CRKL: variants seen among roughly 807,000 people sequenced by gnomAD.
CRKL encodes the protein CRK like proto-oncogene, adaptor protein.
Under a neutral mutation model 23.0 loss-of-function variants are expected in CRKL, and 3 were observed. The observed-to-expected ratio is 0.13, with a 90% CI of 0.06 to 0.34. The LOEUF (loss-of-function observed/expected upper bound fraction) is 0.34, where lower values mean the gene tolerates loss of function less well. Ranked by LOEUF, CRKL falls within the 10% of genes least tolerant of loss-of-function variation. The pLI is 1.00. For missense variants in CRKL, 256 were observed against 394.5 expected, an observed-to-expected ratio of 0.65 and a Z score of 2.97; for synonymous variants, 188 against 160.7, an observed-to-expected ratio of 1.17 and a Z score of -1.28.
Position 20,917,682 on chromosome 22 carries a change from G to T in CRKL, c.-253G>T, listed in dbSNP as rs1929740890. 2 of 522,110 alleles carry T rather than the reference G, an allele frequency of 3.8e-6. No individual in the cohort carries two copies. The allele number at this position is 522,110 out of a possible 1,614,324, so 32.3% of individuals were successfully genotyped here. On this transcript the variant is annotated 5_prime_UTR_variant, in exon 1 of 3. Transcript: ENST00000354336. The stretch of plus-strand genomic sequence containing the variant: ...CCTCCGCTGCGGCTCGGGTTTGCCT[G>T]CCCCGACCCCCCGGCTCTGCCGTGC...
intron 2 of CRKL, among the ~76,000 whole-genome samples, chr22:20,941,588 A>ATTTATT (rs1921884464): frequency 3.0e-5 from 1 of 33,554 alleles, no homozygotes; most frequent in Admixed American, 5.5e-4. Flanking sequence ...GTATATATAT[A>ATTTATT]TTTTTTTTTT....
chr22:20,934,971 G>A (rs1921596149), intron 2 of CRKL, among the ~76,000 whole-genome samples: 1 of 151,826 alleles, frequency 6.6e-6, no homozygotes, highest in Admixed American at 6.6e-5. Flanking sequence ...CCGCCACCAC[G>A]CCTGGCTAAT....
intron 2 of CRKL, among the ~76,000 whole-genome samples, chr22:20,940,282 A>T (rs545908973): frequency 6.6e-6 from 1 of 152,300 alleles, no homozygotes; most frequent in South Asian, 2.1e-4. Context: ...TGGTGGGCTC[A>T]TGCTGCTTCC....
At chr22:20,924,059 C>T (rs749609943) in intron 1 of CRKL, among the ~76,000 whole-genome samples, 2 of 151,998 alleles carry the variant, frequency 1.3e-5, no homozygotes, top group South Asian at 2.1e-4. Context: ...TGGTGTCATG[C>T]GCCTTTAAGT....
In CRKL at chr22:20,934,149, A is replaced by G. The variant is rs1477769854; in HGVS notation, c.682A>G (p.Thr228Ala). Reference sequence around the variant, plus strand: ...TTCCGGTTCTCCTGGGGCAGCAATCACCCCTTTGCCATCCACACAGAATGG... The same window carrying G: ...TTCCGGTTCTCCTGGGGCAGCAATCGCCCCTTTGCCATCCACACAGAATGG... Reference protein sequence around the residue: ...AVSGSPGAAITPLPSTQNGPV... With the variant: ...AVSGSPGAAIAPLPSTQNGPV... The change falls in exon 2 of 3, where the codon ACC becomes GCC. Residue 228 changes from threonine to alanine, a missense_variant. Around this residue, in one of 3 missense-constraint regions of CRKL, gnomAD observed 129 missense variants for 222.1 expected, o/e 0.58. Coordinates refer to ENST00000354336, the MANE Select transcript of CRKL (RefSeq NM_005207.4). The G allele has an allele frequency of 6.2e-7, 1 of 1,614,054 alleles. No homozygotes were observed. Among genetic ancestry groups the G allele is most frequent in the Non-Finnish European group, 8.5e-7 (1 of 1,180,042 alleles).
chr22:20,949,450 A>G (rs1008328163), intron 2 of CRKL, among the ~76,000 whole-genome samples: 8 of 152,198 alleles, frequency 5.3e-5, no homozygotes, highest in Non-Finnish European at 1.2e-4. Flanking sequence ...TAAAAAATTA[A>G]AAAATAATGT....
intron 1 of CRKL, among the ~76,000 whole-genome samples, chr22:20,923,995 C>T (rs1384207922): frequency 6.6e-6 from 1 of 151,784 alleles, no homozygotes; most frequent in Non-Finnish European, 1.5e-5. Context: ...GAGACCAGCC[C>T]TGGCAAGATA....
Position 20,934,211 on chromosome 22 carries a change from C to G in CRKL, c.744C>G (p.Pro248=), listed in dbSNP as rs1209752005. The G allele has an allele frequency of 6.2e-7, 1 of 1,614,014 alleles. No individual in the cohort carries two copies. Among genetic ancestry groups the G allele is most frequent in the Non-Finnish European group, 8.5e-7 (1 of 1,179,906 alleles). ...CGAAAGCAATCCAGAAAAGAGTACC[C>G]TGTGCTTATGACAAGACTGCCTTGG... ...VFAKAIQKRV[P]CAYDKTALAL... The change falls in exon 2 of 3, where the codon CCC becomes CCG. Residue 248 remains proline (P), a synonymous_variant. Coordinates refer to ENST00000354336, the MANE Select transcript of CRKL (RefSeq NM_005207.4).
intron 1 of CRKL, among the ~76,000 whole-genome samples, chr22:20,929,946 T>C (rs867578479): frequency 5.3e-5 from 8 of 152,212 alleles, no homozygotes; most frequent in Non-Finnish European, 1.2e-4. Flanking sequence ...TCAGTGGAAC[T>C]AATGTGTAAT....
intron 2 of CRKL, among the ~76,000 whole-genome samples, chr22:20,939,056 A>G (rs961367225): frequency 2.6e-5 from 4 of 152,154 alleles, no homozygotes; most frequent in African/African-American, 9.7e-5. Flanking sequence ...CTGTGCTTTT[A>G]GCCCTCTTCA....
intron 2 of CRKL, among the ~76,000 whole-genome samples, chr22:20,939,628 G>A (rs1017453403): frequency 6.6e-6 from 1 of 152,008 alleles, no homozygotes; most frequent in Non-Finnish European, 1.5e-5. Context: ...CTCCACCAGG[G>A]AGAAAGAAGC....
chr22:20,938,474 A>C (rs1921745067), intron 2 of CRKL, among the ~76,000 whole-genome samples: 1 of 152,172 alleles, frequency 6.6e-6, no homozygotes, highest in Non-Finnish European at 1.5e-5. Context: ...CATGCTGGGC[A>C]AAGGGCAAAA....
intron 1 of CRKL, among the ~76,000 whole-genome samples, chr22:20,921,243 G>T (rs531646966): frequency 6.6e-6 from 1 of 152,184 alleles, no homozygotes; most frequent in Non-Finnish European, 1.5e-5. Context: ...GGTTTATCTT[G>T]CATAGCTAAA....
intron 2 of CRKL, among the ~76,000 whole-genome samples, chr22:20,942,428 T>A (rs1921913310): frequency 6.6e-6 from 1 of 152,240 alleles, no homozygotes; most frequent in African/African-American, 2.4e-5. Context: ...CTGAATAATA[T>A]TCCATTGTTA....
chr22:20,935,287 A>G (rs1921611759), intron 2 of CRKL, among the ~76,000 whole-genome samples: 1 of 151,352 alleles, frequency 6.6e-6, no homozygotes, highest in African/African-American at 2.4e-5. Flanking sequence ...GAATTTTTGT[A>G]TTTTTAGTAT....
chr22:20,927,814 G>T (rs187569770), intron 1 of CRKL, among the ~76,000 whole-genome samples: 52 of 129,550 alleles, frequency 4.0e-4, no homozygotes, highest in African/African-American at 1.5e-3. Flanking sequence ...TTGCACTCCA[G>T]TCTGGGTAAC....
Position 20,951,347 on chromosome 22 carries a change from T to C in CRKL, c.*1502T>C, listed in dbSNP as rs1055076931. On this transcript the variant is annotated 3_prime_UTR_variant, in exon 3 of 3. Transcript: ENST00000354336. ...TGTATTTGATGTCTTAGTGTTTTAG[T>C]GACTAGGGAGACCATTAACTAGTTT... is the stretch of plus-strand genomic sequence containing the variant. 4.3e-5 allele frequency: 10 copies of C among 231,820 alleles called. No homozygotes were observed. The Admixed American group carries it at 5.6e-4, about 13-fold the overall frequency. 14.4% of individuals were successfully genotyped at this position (231,820 alleles called of 1,614,324 possible).
intron 2 of CRKL, among the ~76,000 whole-genome samples, chr22:20,947,891 C>T (rs1922125812): frequency 6.6e-6 from 1 of 151,556 alleles, no homozygotes; most frequent in Non-Finnish European, 1.5e-5. Flanking sequence ...ACTGTGTTGC[C>T]CAGGCTGGTC....
chr22:20,942,468 A>G (rs8139149), intron 2 of CRKL, among the ~76,000 whole-genome samples: 3,985 of 152,274 alleles, frequency 0.026, 169 homozygotes, highest in African/African-American at 0.091. Context: ...TAATCCATTT[A>G]TCTCTTGATG....
Sources: gnomAD v4.1 joint callset for allele counts (sites outside exome capture counted in the v4.1 genomes callset) on GRCh38, gnomAD v4.1.1 for gene constraint, gnomAD v4.1.1 regional missense constraint, MANE v1.5 for transcripts, NCBI Gene and HGNC (gene_info 2026-07-23, HGNC 2026-07-21) for gene names.